Variants in PTPRT observed in about 807,000 individuals in gnomAD.
PTPRT encodes the protein protein tyrosine phosphatase receptor type T, also known as receptor-type tyrosine-protein phosphatase T.
A neutral mutation model predicts 176.8 loss-of-function variants in PTPRT; 56 were observed. The observed-to-expected ratio is 0.32, with a 90% confidence interval of 0.26 to 0.40. The LOEUF is 0.40. PTPRT is among the 10% of genes least tolerant of loss of function. The pLI is 1.00. For synonymous variants in PTPRT, 783 were observed against 739.0 expected, an observed-to-expected ratio of 1.06 and a Z score of -0.96; for missense variants, 1,540 against 1,908.2, an observed-to-expected ratio of 0.81 and a Z score of 3.60.
At chr20:42,895,277 G>A (rs1206376424) in intron 1 of PTPRT, among the ~76,000 whole-genome samples, 3 of 152,118 alleles carry the variant, frequency 2.0e-5, no homozygotes, top group African/African-American at 7.2e-5. Context: ...CTGGCAGATG[G>A]CCGCCTTCTC....
intron 9 of PTPRT, among the ~76,000 whole-genome samples, chr20:42,355,905 T>C (rs1190855643): frequency 2.0e-5 from 3 of 152,204 alleles, no homozygotes; most frequent in Admixed American, 1.3e-4. Context: ...CAATATAATA[T>C]ACCGCGCTCT....
chr20:42,963,672 T>C (rs912325002), intron 1 of PTPRT, among the ~76,000 whole-genome samples: 4 of 152,030 alleles, frequency 2.6e-5, no homozygotes, highest in African/African-American at 9.7e-5. Flanking sequence ...TACTTACCAT[T>C]AACAACTGAG....
chr20:42,298,586 T>C (rs1177634417), intron 12 of PTPRT, among the ~76,000 whole-genome samples: 1 of 152,228 alleles, frequency 6.6e-6, no homozygotes, highest in Non-Finnish European at 1.5e-5. Context: ...GAAAACAATA[T>C]AGCCACACAT....
chr20:42,585,665 A>G (rs139359839), intron 7 of PTPRT, among the ~76,000 whole-genome samples: 45 of 152,270 alleles, frequency 3.0e-4, no homozygotes, highest in African/African-American at 8.4e-4. Flanking sequence ...ATCTAATCAT[A>G]TAAAGAAACT....
intron 2 of PTPRT, among the ~76,000 whole-genome samples, chr20:42,820,876 C>A (rs2077880806): frequency 6.6e-6 from 1 of 152,128 alleles, no homozygotes; most frequent in South Asian, 2.1e-4. Flanking sequence ...AAAGTCAAAA[C>A]CCTGAATGGA....
At chr20:43,128,898 C>A (rs1433968966) in intron 1 of PTPRT, among the ~76,000 whole-genome samples, 1 of 152,218 alleles carries the variant, frequency 6.6e-6, no homozygotes, top group African/African-American at 2.4e-5. Flanking sequence ...CTATACCTAT[C>A]ACCCTTCATC....
intron 13 of PTPRT, among the ~76,000 whole-genome samples, chr20:42,268,536 T>G (rs1037279676): frequency 6.6e-6 from 1 of 152,194 alleles, no homozygotes; most frequent in Non-Finnish European, 1.5e-5. Context: ...CCCACCTCCC[T>G]TTGGGAAGGG....
At chr20:42,705,150 A>G (rs1010030692) in intron 6 of PTPRT, among the ~76,000 whole-genome samples, 6 of 152,148 alleles carry the variant, frequency 3.9e-5, no homozygotes, top group African/African-American at 1.4e-4. Flanking sequence ...GGTTGCCCTG[A>G]GCCAAGATTG....
intron 1 of PTPRT, among the ~76,000 whole-genome samples, chr20:43,027,384 G>A (rs1377616434): frequency 6.6e-6 from 1 of 151,768 alleles, no homozygotes; most frequent in African/African-American, 2.4e-5. Flanking sequence ...GCTGAGGCAG[G>A]AGAATCGTTT....
chr20:42,481,801 C>T (rs1381387450), intron 7 of PTPRT, among the ~76,000 whole-genome samples: 1 of 150,566 alleles, frequency 6.6e-6, no homozygotes, highest in East Asian at 1.9e-4. Flanking sequence ...CACACACACA[C>T]ACACGCGCGC....
chr20:43,169,289 G>A (rs10485698), intron 1 of PTPRT, among the ~76,000 whole-genome samples: 23,908 of 152,084 alleles, frequency 0.16, 2,396 homozygotes, highest in Non-Finnish European at 0.21. Flanking sequence ...TAAAATAATC[G>A]GTTATCGTAC....
chr20:42,472,484 C>A lies in PTPRT; in HGVS notation c.1232G>T (p.Gly411Val). 6.2e-7 allele frequency: 1 copy of A among 1,614,238 alleles called. No homozygotes were observed. Among genetic ancestry groups the A allele is most frequent in the South Asian group, 1.1e-5 (1 of 91,090 alleles). The change falls in exon 8 of 31, where the codon GGC becomes GTC. Residue 411 changes from glycine (G) to valine (V), a missense_variant. This residue lies in a region of PTPRT where 273 missense variants were observed against 432.1 expected (regional missense o/e 0.63). Transcript: ENST00000373187. ...GCTATGGCAGCGGGTCACCGCGTAG[C>A]CGAAGGGCTCCCACTGCAGGGTCAG... Reference protein sequence around the residue: ...RQLTLQWEPFGYAVTRCHSYN... With the variant: ...RQLTLQWEPFVYAVTRCHSYN...
At chr20:42,788,744 A>G (rs1458494457) in intron 3 of PTPRT, among the ~76,000 whole-genome samples, 1 of 152,230 alleles carries the variant, frequency 6.6e-6, no homozygotes, top group Non-Finnish European at 1.5e-5. Flanking sequence ...CCAGCAATGG[A>G]GGATGAGAAT....
chr20:42,938,177 A>G (rs1468386959), intron 1 of PTPRT, among the ~76,000 whole-genome samples: 2 of 152,224 alleles, frequency 1.3e-5, no homozygotes, highest in Admixed American at 1.3e-4. Context: ...AATGGATGTA[A>G]AATTTTTTGA....
chr20:42,569,106 AT>A (rs1366512072), intron 7 of PTPRT, among the ~76,000 whole-genome samples: 7 of 121,862 alleles, frequency 5.7e-5, no homozygotes, highest in Middle Eastern at 3.9e-3. Context: ...ATATATATAT[AT>A]ATATAATTTC....
intron 1 of PTPRT, among the ~76,000 whole-genome samples, chr20:43,123,520 C>G (rs143387757): frequency 6.6e-6 from 1 of 152,278 alleles, no homozygotes; most frequent in African/African-American, 2.4e-5. Flanking sequence ...CTTCCTGCTG[C>G]TAGAACTCAA....
intron 23 of PTPRT, among the ~76,000 whole-genome samples, chr20:42,107,958 C>G (rs985619954): frequency 6.6e-6 from 1 of 152,146 alleles, no homozygotes; most frequent in African/African-American, 2.4e-5. Context: ...TGAAGTCTGA[C>G]TTAAGTTTGC....
chr20:43,005,652 C>A (rs1216210355), intron 1 of PTPRT, among the ~76,000 whole-genome samples: 4 of 152,268 alleles, frequency 2.6e-5, no homozygotes, highest in Admixed American at 2.6e-4. Context: ...AGAAAGCTGA[C>A]CCTGTGTCTA....
At chr20:43,036,579 A>G (rs967990512) in intron 1 of PTPRT, among the ~76,000 whole-genome samples, 1 of 148,976 alleles carries the variant, frequency 6.7e-6, no homozygotes, top group East Asian at 2.0e-4. Flanking sequence ...ACAAAAAAAA[A>G]CCCCATGAAT....
Sources: gnomAD v4.1 joint callset for allele counts (sites outside exome capture counted in the v4.1 genomes callset) on GRCh38, gnomAD v4.1.1 for gene constraint, gnomAD v4.1.1 regional missense constraint, MANE v1.5 for transcripts, NCBI Gene and HGNC (gene_info 2026-07-23, HGNC 2026-07-21) for gene names.